TBCD: variants seen among roughly 807,000 people sequenced by gnomAD.
TBCD encodes tubulin-specific chaperone D.
Under a neutral mutation model 169.3 loss-of-function variants are expected in TBCD, and 105 were observed. That is an observed-to-expected ratio of 0.62 (90% CI 0.53 to 0.73). The LOEUF (loss-of-function observed/expected upper bound fraction) is 0.73, where lower values mean the gene tolerates loss of function less well. TBCD is among the 30% of genes least tolerant of loss of function. The pLI is 0.00. For synonymous variants in TBCD, 700 were observed against 643.9 expected, an observed-to-expected ratio of 1.09 and a Z score of -1.32; for missense variants, 1,444 against 1,600.1, an observed-to-expected ratio of 0.90 and a Z score of 1.66.
intron 17 of TBCD, among the ~76,000 whole-genome samples, chr17:82,895,306 C>T (rs970433832): frequency 2.0e-5 from 3 of 152,156 alleles, no homozygotes; most frequent in Admixed American, 6.5e-5. Context: ...CCTAGTACCG[C>T]GGGGCCCCCC....
At chr17:82,824,937 CTCT>C (rs1039945343) in intron 13 of TBCD, among the ~76,000 whole-genome samples, 2 of 150,468 alleles carry the variant, frequency 1.3e-5, no homozygotes, top group African/African-American at 5.0e-5. Flanking sequence ...AAAAATAAGT[CTCT>C]TTTTTTTTTC....
At chr17:82,888,077 A>T (rs931469569) in intron 15 of TBCD, among the ~76,000 whole-genome samples, 2 of 151,868 alleles carry the variant, frequency 1.3e-5, no homozygotes, top group Admixed American at 6.6e-5. Context: ...TAATTTTTTA[A>T]TTTTGCTGGG....
chr17:82,931,304 C>A (rs889186291), intron 33 of TBCD, among the ~76,000 whole-genome samples: 12 of 152,256 alleles, frequency 7.9e-5, no homozygotes, highest in African/African-American at 4.8e-5. Context: ...CGACTATAAT[C>A]AGCTGCACAT....
chr17:82,801,302 G>A (rs1036782639), intron 9 of TBCD, among the ~76,000 whole-genome samples: 1 of 152,200 alleles, frequency 6.6e-6, no homozygotes. Flanking sequence ...AGTAACAAGT[G>A]TTTTCTGCTT....
chr17:82,914,396 C>A (rs1599504177), intron 23 of TBCD, among the ~76,000 whole-genome samples: 2 of 152,304 alleles, frequency 1.3e-5, no homozygotes, highest in East Asian at 3.9e-4. Flanking sequence ...GGGTTCACGG[C>A]AGGGTGTGGA....
rs7215396 is a variant in TBCD, at chr17:82,797,884, T to G, written c.817+82T>G. On this transcript the variant is annotated intron_variant, in intron 8 of 38. Transcript: ENST00000355528. ...TCAAGTGTCTTTCCTTAACATTTTA[T>G]TCATAGATATAGGAACTGTACATTG... is the stretch of plus-strand genomic sequence containing the variant. The G allele has an allele frequency of 0.13, 146,965 of 1,121,076 alleles. 11,219 individuals carry two copies. Among genetic ancestry groups the G allele is most frequent in the South Asian group, 0.29 (18,171 of 63,494 alleles). 69.4% of individuals were successfully genotyped at this position (1,121,076 alleles called of 1,614,324 possible). A position where few individuals can be genotyped will look rare whatever the true frequency, so the allele number is the denominator to read the frequency against.
chr17:82,790,244 G>A (rs1031120607), intron 7 of TBCD, among the ~76,000 whole-genome samples: 1 of 152,220 alleles, frequency 6.6e-6, no homozygotes, highest in Non-Finnish European at 1.5e-5. Context: ...TGCAGTAAAG[G>A]TGCTGGTGGA....
chr17:82,781,764 G>A lies in TBCD; in HGVS notation c.771+43G>A, dbSNP rs752979591. 5.6e-6 allele frequency: 9 copies of A among 1,600,272 alleles called. No individual in the cohort carries two copies. In the East Asian group the frequency reaches 2.0e-4, roughly 36 times the overall value. On this transcript the variant is annotated intron_variant, in intron 7 of 38. Transcript: ENST00000355528. Reference sequence around the variant, plus strand: ...GGGCTGTGGAGATCGCAGGGAAATGGCGCCTTACATGGGGACCACGGAATG... The same window carrying A: ...GGGCTGTGGAGATCGCAGGGAAATGACGCCTTACATGGGGACCACGGAATG...
chr17:82,831,713 T>G lies in TBCD; in HGVS notation c.1318+16779T>G, dbSNP rs760359729. On this transcript the variant is annotated intron_variant, in intron 13 of 38. Coordinates refer to ENST00000355528, the MANE Select transcript of TBCD (RefSeq NM_005993.5). The surrounding 1 kb of genome is among the most constrained non-coding windows in gnomAD (Gnocchi z 4.6). ...TAGATGGTGGCCAGCCCGTGCTCTGTGTAAAAGTGAGGCGGGTACTCTGGG... is the reference window on the plus strand; with the variant it reads ...TAGATGGTGGCCAGCCCGTGCTCTGGGTAAAAGTGAGGCGGGTACTCTGGG... 1 of 1,613,946 alleles carries G rather than the reference T, an allele frequency of 6.2e-7. No individual in the cohort carries two copies. Among genetic ancestry groups the G allele is most frequent in the Non-Finnish European group, 8.5e-7 (1 of 1,179,990 alleles).
At position 82,835,580 on chromosome 17, in the gene TBCD, G is replaced by A. The variant is rs1326491574; in HGVS notation, c.1318+20646G>A. 5.9e-5 allele frequency among the ~76,000 whole-genome samples: 9 copies of A among 151,930 alleles called. No homozygotes were observed. Among genetic ancestry groups the A allele is most frequent in the African/African-American group, 1.9e-4 (8 of 41,380 alleles). ...TGGGATTACAGGTGCCTACCACCAC[G>A]CCCAGCTAATTTTTTTGTAATTTTA... On this transcript the variant is annotated intron_variant, in intron 13 of 38. Coordinates refer to ENST00000355528, the MANE Select transcript of TBCD (RefSeq NM_005993.5). This position sits in a 1 kb window ranked among gnomAD's most constrained non-coding sequence, Gnocchi z 4.5.
intron 27 of TBCD, among the ~76,000 whole-genome samples, chr17:82,925,958 T>C (rs7220027): frequency 0.76 from 42,843 of 56,516 alleles, 16,212 homozygotes; most frequent in African/African-American, 0.84. Context: ...TGGGTTGTAC[T>C]GGGGGCCGTG....
At chr17:82,771,135 A>C (rs967841506) in intron 5 of TBCD, among the ~76,000 whole-genome samples, 1 of 151,940 alleles carries the variant, frequency 6.6e-6, no homozygotes, top group African/African-American at 2.4e-5. Context: ...AACAAACAAA[A>C]AAAACCGAGA....
intron 13 of TBCD, among the ~76,000 whole-genome samples, chr17:82,852,110 C>A (rs2055842592): frequency 6.6e-6 from 1 of 151,958 alleles, no homozygotes; most frequent in Non-Finnish European, 1.5e-5. Context: ...AACATTTTAC[C>A]CCACGCTCCT....
chr17:82,929,679 G>A (rs760149724), intron 32 of TBCD, 179 bp downstream of exon 32: 39 of 849,882 alleles, frequency 4.6e-5, no homozygotes, highest in Non-Finnish European at 6.9e-5. Flanking sequence ...AGGAGGCTTA[G>A]GGCCTGTGGG....
intron 13 of TBCD, among the ~76,000 whole-genome samples, chr17:82,866,973 CGTGT>C (rs2057216763): frequency 6.6e-6 from 1 of 152,338 alleles, no homozygotes; most frequent in East Asian, 1.9e-4. Flanking sequence ...GGAAGGCCTG[CGTGT>C]GTGTGTTGGC....
At chr17:82,900,470 C>A (rs879864398) in intron 17 of TBCD, 181 bp from the exon 18 acceptor site, 1 of 578,408 alleles carries the variant, frequency 1.7e-6, no homozygotes, top group Non-Finnish European at 3.1e-6. Context: ...GTGTAAAGCC[C>A]GTGTGTGCAC....
intron 13 of TBCD, among the ~76,000 whole-genome samples, chr17:82,868,291 G>T (rs2057321702): frequency 6.6e-6 from 1 of 152,138 alleles, no homozygotes; most frequent in Admixed American, 6.5e-5. Flanking sequence ...CAGGTGGGGT[G>T]TCCTGAGGAA....
chr17:82,882,377 G>A (rs1299203272), intron 14 of TBCD, among the ~76,000 whole-genome samples: 1 of 152,184 alleles, frequency 6.6e-6, no homozygotes, highest in Non-Finnish European at 1.5e-5. Flanking sequence ...GGCGTGTTCT[G>A]GGCCATCTCC....
chr17:82,936,374 C>A (rs1375354186), intron 34 of TBCD, among the ~76,000 whole-genome samples: 1 of 151,350 alleles, frequency 6.6e-6, no homozygotes, highest in South Asian at 2.1e-4. Flanking sequence ...CTTCGCCGTT[C>A]CCTGCGGCCC....
Sources: gnomAD v4.1 joint callset for allele counts (sites outside exome capture counted in the v4.1 genomes callset) on GRCh38, gnomAD v4.1.1 for gene constraint, Gnocchi (gnomAD v3.1) non-coding constraint, MANE v1.5 for transcripts, NCBI Gene and HGNC (gene_info 2026-07-23, HGNC 2026-07-21) for gene names.